The following HDAC9 variants were observed in gnomAD, a reference collection of about 807,000 sequenced individuals.
The protein encoded by HDAC9 is MEF-2 interacting transcription repressor (MITR) protein.
In HDAC9, 41 loss-of-function variants were observed where a neutral mutation model predicts 139.4. The ratio of observed to expected loss-of-function variants is 0.29; its 90% CI spans 0.23 to 0.38. HDAC9 has a LOEUF of 0.38. HDAC9 is among the 10% of genes least tolerant of loss of function. The probability of loss-of-function intolerance (pLI) is 1.00; values close to 1 mark genes in which losing one functional copy is unlikely to be tolerated. For missense variants in HDAC9, 1,147 were observed against 1,297.0 expected, an observed-to-expected ratio of 0.88 and a Z score of 1.78; for synonymous variants, 517 against 476.2, an observed-to-expected ratio of 1.09 and a Z score of -1.12.
chr7:18,818,582 T>TTTA (rs1794738878), intron 17 of HDAC9, among the ~76,000 whole-genome samples: 1 of 152,228 alleles, frequency 6.6e-6, no homozygotes, highest in East Asian at 1.9e-4. Context: ...AGTAAGTAGC[T>TTTA]AGCAGGACTA....
chr7:18,817,079 G>A (rs1184545099), intron 17 of HDAC9, among the ~76,000 whole-genome samples: 1 of 150,990 alleles, frequency 6.6e-6, no homozygotes, highest in African/African-American at 2.4e-5. Flanking sequence ...CTGTCGCCCA[G>A]GCTGGAGTAC....
At chr7:18,237,847 A>G (rs1793928180) in intron 2 of HDAC9, among the ~76,000 whole-genome samples, 1 of 152,226 alleles carries the variant, frequency 6.6e-6, no homozygotes, top group South Asian at 2.1e-4. Flanking sequence ...TGAGCATCTT[A>G]TCAAAGGTGA....
chr7:18,269,304 C>T (rs1796200002), intron 2 of HDAC9, among the ~76,000 whole-genome samples: 1 of 152,130 alleles, frequency 6.6e-6, no homozygotes, highest in Non-Finnish European at 1.5e-5. Flanking sequence ...CACTTGGCTA[C>T]TCTAGGGCTT....
At chr7:18,607,407 C>A (rs895046032) in intron 6 of HDAC9, among the ~76,000 whole-genome samples, 1 of 152,174 alleles carries the variant, frequency 6.6e-6, no homozygotes, top group Non-Finnish European at 1.5e-5. Context: ...GTGACCTGCA[C>A]ATAGTGCAGG....
chr7:18,337,856 A>T (rs1239967129), intron 1 of HDAC9, among the ~76,000 whole-genome samples: 1 of 151,786 alleles, frequency 6.6e-6, no homozygotes, highest in African/African-American at 2.4e-5. Context: ...TATAAAAATT[A>T]AATAACTGTG....
At chr7:18,563,727 C>CT (rs965692774) in intron 2 of HDAC9, among the ~76,000 whole-genome samples, 1 of 151,794 alleles carries the variant, frequency 6.6e-6, no homozygotes, top group Non-Finnish European at 1.5e-5. Flanking sequence ...ACCACCCAAC[C>CT]CCCCCCATGA....
chr7:18,767,633 A>C (rs911381522), intron 16 of HDAC9, among the ~76,000 whole-genome samples: 6 of 152,178 alleles, frequency 3.9e-5, no homozygotes, highest in Non-Finnish European at 5.9e-5. Flanking sequence ...CCCCTTGGGG[A>C]CATTTTTGTC....
At chr7:18,682,056 A>G (rs760844121) in intron 12 of HDAC9, among the ~76,000 whole-genome samples, 15 of 152,110 alleles carry the variant, frequency 9.9e-5, no homozygotes, top group Non-Finnish European at 2.1e-4. Context: ...TAAGAAAAGG[A>G]AATGAAAACC....
rs146409367 is a variant in HDAC9, at chr7:18,865,793, T to C, written c.2685-8685T>C. ...GTGCAGTCTATAATGTGCATTTTTG[T>C]TTTTGCCAGAAAAACCTAAAAGAAA... On this transcript the variant is annotated intron_variant, in intron 21 of 25. Transcript: ENST00000686413. Among the ~76,000 whole-genome samples the C allele has an allele frequency of 1.1e-3, 168 of 152,228 alleles. 1 individual carries two copies. The highest frequency in any genetic ancestry group is 3.9e-3 in the African/African-American group (161 of 41,564).
intron 11 of HDAC9, 22 bp from the exon 12 acceptor site, chr7:18,666,191 A>G: frequency 6.4e-7 from 1 of 1,563,920 alleles, no homozygotes; most frequent in Non-Finnish European, 8.7e-7. Context: ...TGAATTTTGA[A>G]CCCCTGAACA....
At chr7:18,874,704 C>T in intron 22 of HDAC9, 108 bp downstream of exon 22, 1 of 659,878 alleles carries the variant, frequency 1.5e-6, no homozygotes, top group Non-Finnish European at 2.7e-6. Flanking sequence ...TTGGGTGAGA[C>T]ATTTGAAAAT....
intron 2 of HDAC9, among the ~76,000 whole-genome samples, chr7:18,538,824 T>C (rs1811750606): frequency 6.6e-6 from 1 of 152,234 alleles, no homozygotes; most frequent in Admixed American, 6.5e-5. Flanking sequence ...TGTGTTAGAA[T>C]GCTGGAGACT....
chr7:18,366,363 G>T (rs1195777142), intron 1 of HDAC9, among the ~76,000 whole-genome samples: 1 of 152,082 alleles, frequency 6.6e-6, no homozygotes, highest in African/African-American at 2.4e-5. Context: ...ATAGAACTTT[G>T]GGAATAAAAG....
chr7:18,225,016 T>G (rs914840369), intron 2 of HDAC9, among the ~76,000 whole-genome samples: 4 of 152,124 alleles, frequency 2.6e-5, no homozygotes, highest in Admixed American at 6.6e-5. Context: ...ACAGGCATAG[T>G]TGGCTTAAAA....
At chr7:18,280,604 A>G (rs1004335810) in intron 2 of HDAC9, among the ~76,000 whole-genome samples, 1 of 151,468 alleles carries the variant, frequency 6.6e-6, no homozygotes, top group Non-Finnish European at 1.5e-5. Context: ...AAAAAACAAA[A>G]AACAAAAAAA....
intron 17 of HDAC9, among the ~76,000 whole-genome samples, chr7:18,799,975 T>C (rs1269737825): frequency 1.3e-5 from 2 of 152,076 alleles, no homozygotes; most frequent in Non-Finnish European, 2.9e-5. Flanking sequence ...AATGAAACCA[T>C]TGAAATCCAA....
chr7:18,475,436 C>T (rs572857376), intron 1 of HDAC9, among the ~76,000 whole-genome samples: 1 of 152,216 alleles, frequency 6.6e-6, no homozygotes, highest in African/African-American at 2.4e-5. Flanking sequence ...TACCATTTCC[C>T]CTGTCCCGGG....
chr7:18,835,752 G>C (rs1796191938), intron 20 of HDAC9, 148 bp from the exon 21 acceptor site: 2 of 1,054,152 alleles, frequency 1.9e-6, no homozygotes, highest in Non-Finnish European at 2.9e-6. Flanking sequence ...GCATAACCCA[G>C]AGCACTGTTT....
intron 2 of HDAC9, among the ~76,000 whole-genome samples, chr7:18,270,596 A>G (rs530839698): frequency 1.3e-5 from 2 of 152,320 alleles, no homozygotes; most frequent in South Asian, 4.1e-4. Flanking sequence ...GTTAGGCTAT[A>G]AACTTACATA....
Sources: gnomAD v4.1 joint callset for allele counts (sites outside exome capture counted in the v4.1 genomes callset) on GRCh38, gnomAD v4.1.1 for gene constraint, MANE v1.5 for transcripts, NCBI Gene and HGNC (gene_info 2026-07-23, HGNC 2026-07-21) for gene names.